Variants in HABP2 observed in about 807,000 individuals in gnomAD.
HABP2 encodes hyaluronan binding protein 2, also known as factor VII-activating protease.
HABP2 carries 65 observed loss-of-function variants against 66.5 expected under a neutral mutation model. The ratio of observed to expected loss-of-function variants is 0.98; its 90% CI spans 0.80 to 1.20. The LOEUF (loss-of-function observed/expected upper bound fraction) is 1.20. Ranked by LOEUF, HABP2 falls within the 50% of genes most tolerant of loss-of-function variation. The pLI is 0.00. For missense variants in HABP2, 786 were observed against 691.0 expected, an observed-to-expected ratio of 1.14 and a Z score of -1.54; for synonymous variants, 263 against 253.9, an observed-to-expected ratio of 1.04 and a Z score of -0.34.
At chr10:113,568,926 G>C (rs1487648013) in intron 2 of HABP2, among the ~76,000 whole-genome samples, 1 of 152,234 alleles carries the variant, frequency 6.6e-6, no homozygotes, top group African/African-American at 2.4e-5. Flanking sequence ...CCCTGGAATT[G>C]TGCAGTGAAC....
chr10:113,581,434 C>T (rs920688980), intron 8 of HABP2, among the ~76,000 whole-genome samples: 1 of 152,210 alleles, frequency 6.6e-6, no homozygotes, highest in African/African-American at 2.4e-5. Flanking sequence ...CTCACCTATT[C>T]TAGTTCATCT....
upstream of HABP2, among the ~76,000 whole-genome samples, chr10:113,551,289 G>A (rs965804383): frequency 3.3e-5 from 5 of 152,242 alleles, no homozygotes; most frequent in African/African-American, 9.6e-5. Context: ...TAATGAAATA[G>A]CAATACGGCT....
intron 6 of HABP2, 82 bp from the exon 7 acceptor site, chr10:113,578,545 A>G (rs1845456801): frequency 1.1e-6 from 1 of 899,908 alleles, no homozygotes; most frequent in African/African-American, 1.7e-5. Flanking sequence ...TTCTCTCACC[A>G]TGTCACATAC....
At chr10:113,587,153 A>T (rs1268784466) in intron 12 of HABP2, among the ~76,000 whole-genome samples, 1 of 152,154 alleles carries the variant, frequency 6.6e-6, no homozygotes, top group African/African-American at 2.4e-5. Flanking sequence ...TGTCTCTACT[A>T]AAAGAAAAAT....
chr10:113,564,063 G>A (rs984934662), intron 1 of HABP2, among the ~76,000 whole-genome samples: 3 of 152,126 alleles, frequency 2.0e-5, no homozygotes, highest in African/African-American at 7.2e-5. Context: ...AGAAAAAGAG[G>A]TTTAATAGAC....
intron 1 of HABP2, among the ~76,000 whole-genome samples, chr10:113,564,629 C>G (rs1388913838): frequency 6.6e-6 from 1 of 152,154 alleles, no homozygotes; most frequent in Non-Finnish European, 1.5e-5. Flanking sequence ...ATTCCTTTCC[C>G]CTCACCAACA....
chr10:113,553,881 G>A (rs1349763910), intron 1 of HABP2, among the ~76,000 whole-genome samples: 5 of 152,168 alleles, frequency 3.3e-5, no homozygotes, highest in Admixed American at 3.3e-4. Flanking sequence ...AGTTCCTTCT[G>A]TGTGCCATGG....
Position 113,589,329 on chromosome 10 carries a change from A to C in HABP2, c.*960A>C. 1 of 575,206 alleles carries C rather than the reference A, an allele frequency of 1.7e-6. No individual in the cohort carries two copies. 35.6% of individuals were successfully genotyped at this position (575,206 alleles called of 1,614,324 possible). A position where few individuals can be genotyped will look rare whatever the true frequency, so the allele number is the denominator to read the frequency against. ...AGTAGGGTTCAAAATGCAGACTGTCATATCCAGCGAGTCCCTGACCCTTTC... is the reference window on the plus strand; with the variant it reads ...AGTAGGGTTCAAAATGCAGACTGTCCTATCCAGCGAGTCCCTGACCCTTTC... On this transcript the variant is annotated 3_prime_UTR_variant, in exon 13 of 13. Coordinates refer to ENST00000351270, the MANE Select transcript of HABP2 (RefSeq NM_004132.5).
In HABP2 at chr10:113,588,724, C is replaced by T. The variant is rs1845730023; in HGVS notation, c.*355C>T. 1.8e-6 allele frequency: 1 copy of T among 551,630 alleles called. No individual in the cohort carries two copies. Among genetic ancestry groups the T allele is most frequent in the Non-Finnish European group, 3.2e-6 (1 of 313,460 alleles). 34.2% of individuals were successfully genotyped at this position (551,630 alleles called of 1,614,324 possible). A position where few individuals can be genotyped will look rare whatever the true frequency, so the allele number is the denominator to read the frequency against. ...CCAGAATCCCCAGCATCAGCGGGAA[C>T]CACCATCACATCTTTATTCCTCAGC... On this transcript the variant is annotated 3_prime_UTR_variant, in exon 13 of 13. Transcript: ENST00000351270.
At position 113,576,216 on chromosome 10, in the gene HABP2, T is replaced by C. The variant is rs530390251; in HGVS notation, c.331+212T>C. 3.3e-5 allele frequency among the ~76,000 whole-genome samples: 5 copies of C among 152,324 alleles called. No homozygotes were observed. The South Asian group carries it at 1.0e-3, about 32-fold the overall frequency. On this transcript the variant is annotated intron_variant, in intron 4 of 12. Transcript: ENST00000351270. ...GGAACTAGTACATCCATTCTCCAGATGGGAAGATTGAGGCTGAGAGGGGAT... is the reference window on the plus strand; with the variant it reads ...GGAACTAGTACATCCATTCTCCAGACGGGAAGATTGAGGCTGAGAGGGGAT...
intron 1 of HABP2, among the ~76,000 whole-genome samples, chr10:113,565,754 A>G (rs1845186470): frequency 6.6e-6 from 1 of 152,170 alleles, no homozygotes; most frequent in East Asian, 1.9e-4. Context: ...AGAGTCACAC[A>G]CTGCATTTCG....
chr10:113,566,439 G>A (rs926270980), intron 1 of HABP2, among the ~76,000 whole-genome samples: 2 of 152,240 alleles, frequency 1.3e-5, no homozygotes, highest in African/African-American at 4.8e-5. Context: ...TTTTCAGGTT[G>A]AGTACTGCAT....
Position 113,588,262 on chromosome 10 carries a change from A to G in HABP2, c.1576A>G (p.Ile526Val). The G allele has an allele frequency of 6.2e-7, 1 of 1,613,776 alleles. No homozygotes were observed. The highest frequency in any genetic ancestry group is 8.5e-7 in the Non-Finnish European group (1 of 1,179,774). The part of the protein sequence containing the change: ...EKDGTYYVYG[I>V]VSWGLECGKR... The stretch of plus-strand genomic sequence containing the variant: ...GGACGGCACCTACTACGTCTATGGG[A>G]TAGTGAGCTGGGGCCTGGAGTGTGG... Residue 526 changes from isoleucine to valine, a missense_variant, in exon 13 of 13, where the codon ATA becomes GTA. Ile to Val is a conservative substitution (Grantham distance 29). Transcript: ENST00000351270.
intron 1 of HABP2, among the ~76,000 whole-genome samples, chr10:113,564,688 C>T (rs918598262): frequency 6.6e-6 from 1 of 152,206 alleles, no homozygotes; most frequent in African/African-American, 2.4e-5. Context: ...AAGAATAATG[C>T]AATGAATATT....
At chr10:113,577,408 T>C in intron 5 of HABP2, 142 bp downstream of exon 5, 1 of 668,052 alleles carries the variant, frequency 1.5e-6, no homozygotes, top group Non-Finnish European at 2.7e-6. Context: ...TTCTAAAGAT[T>C]CATTATCCCT....
rs767432121 is a variant in HABP2, at chr10:113,582,021, G to A, written c.984G>A (p.Gln328=). 1 of 1,614,172 alleles carries A rather than the reference G, an allele frequency of 6.2e-7. No homozygotes were observed. The highest frequency in any genetic ancestry group is 8.5e-7 in the Non-Finnish European group (1 of 1,180,036). ...GCACGGCGGGCAAGCACCCATGGCAGGCGTCCCTCCAGTCCTCGCTGCCTC... is the reference window on the plus strand; with the variant it reads ...GCACGGCGGGCAAGCACCCATGGCAAGCGTCCCTCCAGTCCTCGCTGCCTC... The part of the protein sequence containing the change: ...FKSTAGKHPW[Q]ASLQSSLPLT... Residue 328 remains glutamine, a synonymous_variant, in exon 9 of 13, where the codon CAG becomes CAA. Transcript: ENST00000351270.
intron 11 of HABP2, among the ~76,000 whole-genome samples, chr10:113,585,437 T>TCATC (rs1021396896): frequency 5.3e-5 from 8 of 152,216 alleles, no homozygotes; most frequent in East Asian, 3.8e-4. Flanking sequence ...GCAGGGCACT[T>TCATC]CATCCATCCA....
chr10:113,583,133 A>C lies in HABP2; in HGVS notation c.1095-83A>C. ...ACGAGGGTTACAAATGAGGAGGCTGAGTCTGCAGAAGGTCAGATTTGCCAA... is the reference window on the plus strand; with the variant it reads ...ACGAGGGTTACAAATGAGGAGGCTGCGTCTGCAGAAGGTCAGATTTGCCAA... On this transcript the variant is annotated intron_variant, in intron 9 of 12. Transcript: ENST00000351270. 3.4e-6 allele frequency: 4 copies of C among 1,168,680 alleles called. No homozygotes were observed. In the East Asian group the frequency reaches 7.0e-5, roughly 21 times the overall value. 72.4% of individuals were successfully genotyped at this position (1,168,680 alleles called of 1,614,324 possible).
chr10:113,576,371 A>G (rs1845409475), intron 4 of HABP2, among the ~76,000 whole-genome samples: 1 of 152,210 alleles, frequency 6.6e-6, no homozygotes, highest in African/African-American at 2.4e-5. Flanking sequence ...ATGAGACCCA[A>G]CCCAGTTAGA....
Sources: allele counts gnomAD v4.1 joint callset (sites outside exome capture counted in the v4.1 genomes callset), GRCh38; gene constraint gnomAD v4.1.1; transcripts MANE v1.5; gene names NCBI Gene and HGNC (gene_info 2026-07-23, HGNC 2026-07-21).